The following SSBP3 variants were observed in gnomAD, a reference collection of about 807,000 sequenced individuals.
The protein encoded by SSBP3 is single-stranded DNA-binding protein 3.
Under a neutral mutation model 69.6 loss-of-function variants are expected in SSBP3, and 5 were observed. The observed-to-expected ratio is 0.07, with a 90% CI of 0.04 to 0.15. The LOEUF (loss-of-function observed/expected upper bound fraction) is 0.15. Among genes scored for constraint, SSBP3 ranks in the 10% least tolerant of loss-of-function variants. The pLI, the probability that SSBP3 is intolerant of heterozygous loss-of-function variation, is 1.00. For missense variants in SSBP3, 312 were observed against 534.0 expected (o/e 0.58, Z 4.10); for synonymous variants, 196 against 193.4 (o/e 1.01, Z -0.11).
At chr1:54,343,181 A>G (rs572254118) in intron 4 of SSBP3, among the ~76,000 whole-genome samples, 1 of 152,254 alleles carries the variant, frequency 6.6e-6, no homozygotes, top group East Asian at 1.9e-4. Context: ...GCCGCTTTTC[A>G]TATTGCTACT....
intron 14 of SSBP3, among the ~76,000 whole-genome samples, chr1:54,235,088 T>C (rs1644463099): frequency 6.6e-6 from 1 of 152,166 alleles, no homozygotes; most frequent in South Asian, 2.1e-4. Context: ...ACAACCCTTA[T>C]ACACAAAGTA....
chr1:54,287,959 G>A (rs1203169160), intron 4 of SSBP3, among the ~76,000 whole-genome samples: 1 of 152,176 alleles, frequency 6.6e-6, no homozygotes, highest in Non-Finnish European at 1.5e-5. Context: ...ACACAGGAGT[G>A]ACACAAGATC....
At chr1:54,252,279 A>G (rs942331414) in intron 7 of SSBP3, among the ~76,000 whole-genome samples, 3 of 152,328 alleles carry the variant, frequency 2.0e-5, no homozygotes, top group Middle Eastern at 3.4e-3. Context: ...TCACAGACAC[A>G]TACCTCATTT....
At chr1:54,302,254 G>C (rs975552134) in intron 4 of SSBP3, among the ~76,000 whole-genome samples, 6 of 151,966 alleles carry the variant, frequency 3.9e-5, no homozygotes, top group Admixed American at 1.3e-4. Flanking sequence ...GTTAGTGCAG[G>C]CAAGGCTGTG....
chr1:54,306,028 C>T (rs146679934), intron 4 of SSBP3, among the ~76,000 whole-genome samples: 1 of 151,834 alleles, frequency 6.6e-6, no homozygotes, highest in East Asian at 1.9e-4. Context: ...GTAGCCCTTC[C>T]CAGACTTCCC....
chr1:54,411,208 G>T (rs377389157), upstream of SSBP3, among the ~76,000 whole-genome samples: 698 of 152,222 alleles, frequency 4.6e-3, 7 homozygotes, highest in African/African-American at 0.016. Flanking sequence ...AGCTAGGCAC[G>T]GTGGCTCACA....
chr1:54,316,773 C>T (rs753552992), intron 4 of SSBP3, among the ~76,000 whole-genome samples: 23 of 151,734 alleles, frequency 1.5e-4, no homozygotes, highest in Non-Finnish European at 2.9e-4. Context: ...AAAATACCTT[C>T]GCGTGGGTAC....
chr1:54,403,271 G>T (rs551767405), intron 3 of SSBP3, among the ~76,000 whole-genome samples: 148 of 152,252 alleles, frequency 9.7e-4, no homozygotes, highest in African/African-American at 3.5e-3. Context: ...AGCTGCAGAG[G>T]GGGGCTGGAG....
chr1:54,362,310 A>T (rs1646962803), intron 4 of SSBP3, among the ~76,000 whole-genome samples: 1 of 152,208 alleles, frequency 6.6e-6, no homozygotes, highest in South Asian at 2.1e-4. Context: ...GCAAATCTCC[A>T]CATGCCCAAT....
chr1:54,325,279 A>C (rs1459206764), intron 4 of SSBP3: 2 of 166,058 alleles, frequency 1.2e-5, no homozygotes, highest in Non-Finnish European at 2.9e-5. Flanking sequence ...CCCACAGCCT[A>C]GCTGCCCCTT....
chr1:54,258,442 A>G lies in SSBP3; in HGVS notation c.367-293T>C, dbSNP rs1037424896. ...GGGAGTACAGTCCTGGACACAGCCT[A>G]CCCTTGGAGCGGAGTTTGCCATGTT... On this transcript the variant is annotated intron_variant, in intron 5 of 17. Transcript: ENST00000610401. The surrounding 1 kb of genome is among the most constrained non-coding windows in gnomAD (Gnocchi z 4.5). 6.6e-6 allele frequency among the ~76,000 whole-genome samples: 1 copy of G among 152,168 alleles called. No individual in the cohort carries two copies. The highest frequency in any genetic ancestry group is 6.5e-5 in the Admixed American group (1 of 15,276).
chr1:54,278,894 G>T (rs2100863707), intron 5 of SSBP3, among the ~76,000 whole-genome samples: 1 of 152,364 alleles, frequency 6.6e-6, no homozygotes, highest in Middle Eastern at 3.4e-3. Flanking sequence ...CTAGTGAAGG[G>T]CAGGGCCAGC....
chr1:54,318,883 G>A (rs961236719), intron 4 of SSBP3, among the ~76,000 whole-genome samples: 19 of 152,290 alleles, frequency 1.2e-4, no homozygotes, highest in East Asian at 3.9e-4. Context: ...GGAAGGGGTC[G>A]TCCTTTCCCA....
chr1:54,320,730 A>G (rs1646196859), intron 4 of SSBP3, among the ~76,000 whole-genome samples: 1 of 152,226 alleles, frequency 6.6e-6, no homozygotes, highest in African/African-American at 2.4e-5. Flanking sequence ...ACAGAGGCAC[A>G]GGCCTTGACT....
chr1:54,363,360 C>T (rs1646979452), intron 4 of SSBP3, among the ~76,000 whole-genome samples: 1 of 152,176 alleles, frequency 6.6e-6, no homozygotes, highest in South Asian at 2.1e-4. Context: ...TGGTGTGAAT[C>T]ATGAGTATTT....
chr1:54,335,829 C>G (rs1646497977), intron 4 of SSBP3: 1 of 152,274 alleles, frequency 6.6e-6, no homozygotes, highest in African/African-American at 2.4e-5. Context: ...TTCTCCCAGG[C>G]TGGACAAGGC....
intron 5 of SSBP3, among the ~76,000 whole-genome samples, chr1:54,267,818 G>C (rs1340796979): frequency 6.6e-6 from 1 of 152,166 alleles, no homozygotes; most frequent in Non-Finnish European, 1.5e-5. Context: ...CTAATTATTA[G>C]ATTCCCATCT....
At chr1:54,392,606 T>C (rs1648576367) in intron 4 of SSBP3, among the ~76,000 whole-genome samples, 1 of 152,228 alleles carries the variant, frequency 6.6e-6, no homozygotes, top group South Asian at 2.1e-4. Flanking sequence ...CAAACAGTGC[T>C]TCACCACGTG....
intron 4 of SSBP3, among the ~76,000 whole-genome samples, chr1:54,382,276 T>C (rs1048874553): frequency 1.3e-5 from 2 of 152,246 alleles, no homozygotes; most frequent in Non-Finnish European, 2.9e-5. Flanking sequence ...GGTCTCACTA[T>C]GTTGCCCAGG....
Sources: gnomAD v4.1 joint callset for allele counts (sites outside exome capture counted in the v4.1 genomes callset) on GRCh38, gnomAD v4.1.1 for gene constraint, Gnocchi (gnomAD v3.1) non-coding constraint, MANE v1.5 for transcripts, NCBI Gene and HGNC (gene_info 2026-07-23, HGNC 2026-07-21) for gene names.